The following SLC35F3 variants were observed in gnomAD, a reference collection of about 807,000 sequenced individuals.
SLC35F3 encodes the protein putative thiamine transporter SLC35F3.
A neutral mutation model predicts 49.9 loss-of-function variants in SLC35F3; 25 were observed. That is an observed-to-expected ratio of 0.50 (90% CI 0.37 to 0.70). SLC35F3 has a LOEUF of 0.70. SLC35F3 is among the 30% of genes least tolerant of loss of function. The probability of loss-of-function intolerance (pLI) is 0.00; values close to 1 mark genes in which losing one functional copy is unlikely to be tolerated. For missense variants in SLC35F3, 525 were observed against 639.8 expected (o/e 0.82, Z 1.94); for synonymous variants, 275 against 265.4 (o/e 1.04, Z -0.35).
At chr1:234,314,848 T>C (rs1361458618) in intron 4 of SLC35F3, among the ~76,000 whole-genome samples, 1 of 152,204 alleles carries the variant, frequency 6.6e-6, no homozygotes, top group Non-Finnish European at 1.5e-5. Flanking sequence ...TCTCTGTTCC[T>C]TTCTCCTGTA....
At chr1:234,262,719 C>T (rs1667924132) in intron 3 of SLC35F3, among the ~76,000 whole-genome samples, 1 of 152,336 alleles carries the variant, frequency 6.6e-6, no homozygotes, top group African/African-American at 2.4e-5. Context: ...GGCACTGGTA[C>T]AGAATGCGGT....
chr1:234,044,165 T>A (rs894719513), intron 2 of SLC35F3, among the ~76,000 whole-genome samples: 3 of 152,308 alleles, frequency 2.0e-5, no homozygotes, highest in Non-Finnish European at 2.9e-5. Flanking sequence ...CAAGATAGTG[T>A]TTGGCCTGTT....
intron 2 of SLC35F3, among the ~76,000 whole-genome samples, chr1:234,113,260 A>G (rs1424916173): frequency 6.6e-6 from 1 of 152,174 alleles, no homozygotes; most frequent in Non-Finnish European, 1.5e-5. Context: ...CTGGGACATA[A>G]AAGAATCAGG....
intron 2 of SLC35F3, among the ~76,000 whole-genome samples, chr1:234,208,648 T>G (rs995609692): frequency 6.6e-6 from 1 of 152,190 alleles, no homozygotes; most frequent in African/African-American, 2.4e-5. Flanking sequence ...GGTTTGCATG[T>G]GAGGAGTTGG....
At chr1:234,118,875 TTTTTC>T (rs1217311566) in intron 2 of SLC35F3, among the ~76,000 whole-genome samples, 2 of 149,128 alleles carry the variant, frequency 1.3e-5, no homozygotes, top group Non-Finnish European at 2.9e-5. Flanking sequence ...TTTTTTTCTT[TTTTTC>T]TTTTCTTTTT....
At chr1:234,200,755 T>A (rs1356902654) in intron 2 of SLC35F3, among the ~76,000 whole-genome samples, 1 of 152,192 alleles carries the variant, frequency 6.6e-6, no homozygotes, top group African/African-American at 2.4e-5. Flanking sequence ...CCTCCAGAAA[T>A]GTCTCTGAAA....
Position 233,928,364 on chromosome 1 carries a change from C to T in SLC35F3, c.283+22606C>T, listed in dbSNP as rs560546547. Among the ~76,000 whole-genome samples the T allele has an allele frequency of 2.0e-5, 3 of 152,204 alleles. No homozygotes were observed. In the South Asian group the frequency reaches 6.2e-4, roughly 32 times the overall value. On this transcript the variant is annotated intron_variant, in intron 2 of 7. Transcript: ENST00000366618. ...ACTGTCTCTCCCTTTCCTTTACTCA[C>T]AAATAATAATAATAATTGGAACCTG...
At chr1:234,171,589 A>G (rs1211226394) in intron 2 of SLC35F3, among the ~76,000 whole-genome samples, 2 of 152,218 alleles carry the variant, frequency 1.3e-5, no homozygotes, top group Non-Finnish European at 2.9e-5. Context: ...AAATTAAACT[A>G]GTGCCCCAAG....
At chr1:234,255,786 A>G (rs1053649775) in intron 3 of SLC35F3, among the ~76,000 whole-genome samples, 1 of 152,234 alleles carries the variant, frequency 6.6e-6, no homozygotes, top group Non-Finnish European at 1.5e-5. Flanking sequence ...GGGATGAATC[A>G]GTGGAGCTTG....
intron 2 of SLC35F3, among the ~76,000 whole-genome samples, chr1:234,228,111 A>C (rs1667316044): frequency 6.6e-6 from 1 of 152,132 alleles, no homozygotes; most frequent in African/African-American, 2.4e-5. Flanking sequence ...CCTTCAGCAA[A>C]CCTGGCAGTT....
chr1:234,040,959 G>C (rs1313661344), intron 2 of SLC35F3, among the ~76,000 whole-genome samples: 1 of 152,214 alleles, frequency 6.6e-6, no homozygotes, highest in Non-Finnish European at 1.5e-5. Context: ...GCAGGGTCCT[G>C]CAGGAGAGTT....
intron 2 of SLC35F3, among the ~76,000 whole-genome samples, chr1:234,203,888 A>G (rs766544335): frequency 2.6e-5 from 4 of 152,202 alleles, no homozygotes; most frequent in Non-Finnish European, 5.9e-5. Context: ...TTCTGAATAT[A>G]TATGAGGTAG....
intron 2 of SLC35F3, among the ~76,000 whole-genome samples, chr1:234,096,021 G>A (rs571400390): frequency 2.8e-4 from 43 of 152,272 alleles, no homozygotes; most frequent in Non-Finnish European, 4.7e-4. Flanking sequence ...TTTGTTTCAT[G>A]TGTTTCTTAC....
At position 234,281,205 on chromosome 1, in the gene SLC35F3, C is replaced by A. The variant is rs377217150; in HGVS notation, c.609-27896C>A. Among the ~76,000 whole-genome samples the A allele has an allele frequency of 2.6e-5, 4 of 152,176 alleles. No homozygotes were observed. In the East Asian group the frequency reaches 5.8e-4, roughly 22 times the overall value. Reference sequence around the variant, plus strand: ...AAAAGTGAGGTCCTTGGGCTCTGATCCAGTCTGACAGGTGTGCCTATAAGA... The same window carrying A: ...AAAAGTGAGGTCCTTGGGCTCTGATACAGTCTGACAGGTGTGCCTATAAGA... On this transcript the variant is annotated intron_variant, in intron 3 of 7. Coordinates refer to ENST00000366618, the MANE Select transcript of SLC35F3 (RefSeq NM_173508.4).
chr1:234,271,623 TTAA>T (rs1258005017), intron 3 of SLC35F3, among the ~76,000 whole-genome samples: 3 of 152,358 alleles, frequency 2.0e-5, no homozygotes, highest in East Asian at 3.9e-4. Flanking sequence ...TTGATGTTAT[TTAA>T]TAATAATACA....
At chr1:234,137,166 A>G (rs1424237109) in intron 2 of SLC35F3, among the ~76,000 whole-genome samples, 1 of 152,230 alleles carries the variant, frequency 6.6e-6, no homozygotes, top group Non-Finnish European at 1.5e-5. Flanking sequence ...ATTGGTGCTC[A>G]AGACATAGTC....
intron 2 of SLC35F3, among the ~76,000 whole-genome samples, chr1:233,912,245 C>T (rs531348203): frequency 6.6e-5 from 10 of 152,210 alleles, no homozygotes; most frequent in East Asian, 1.9e-4. Context: ...TTTGGGAGGC[C>T]AAGGCGGGTG....
intron 3 of SLC35F3, among the ~76,000 whole-genome samples, chr1:234,261,438 G>A (rs1423050682): frequency 6.6e-6 from 1 of 152,130 alleles, no homozygotes; most frequent in Non-Finnish European, 1.5e-5. Context: ...ATAACTTCTG[G>A]ATGTTGCCGT....
At chr1:234,139,959 T>TAAAATAAAATAAAATA (rs1665870237) in intron 2 of SLC35F3, among the ~76,000 whole-genome samples, 1 of 126,830 alleles carries the variant, frequency 7.9e-6, no homozygotes, top group Non-Finnish European at 1.7e-5. Context: ...AATAATAAAA[T>TAAAATAAAATAAAATA]AAAATAAAAT....
Sources: allele counts gnomAD v4.1 joint callset (sites outside exome capture counted in the v4.1 genomes callset), GRCh38; gene constraint gnomAD v4.1.1; transcripts MANE v1.5; gene names NCBI Gene and HGNC (gene_info 2026-07-23, HGNC 2026-07-21).